The following ACE variants were observed in gnomAD, a reference collection of about 807,000 sequenced individuals.
ACE encodes angiotensin I converting enzyme.
Under a neutral mutation model 162.3 loss-of-function variants are expected in ACE, and 122 were observed. That is an observed-to-expected ratio of 0.75 (90% CI 0.65 to 0.87). The LOEUF is 0.87. Among genes scored for constraint, ACE ranks in the 40% least tolerant of loss-of-function variants. The pLI, the probability that ACE is intolerant of heterozygous loss-of-function variation, is 0.00. For missense variants in ACE, 1,799 were observed against 1,735.1 expected, an observed-to-expected ratio of 1.04 and a Z score of -0.65; for synonymous variants, 796 against 720.6, an observed-to-expected ratio of 1.10 and a Z score of -1.68.
rs935705219 is a variant in ACE at position 63,488,785 on chromosome 17, C to T, written c.2443C>T (p.Leu815Phe). Residue 815 changes from leucine (L) to phenylalanine (F), a missense_variant, in exon 16 of 25, where the codon CTC becomes TTC. Coordinates refer to ENST00000290866, the MANE Select transcript of ACE (RefSeq NM_000789.4). ...GGAACTCATCAACCAGGCTGCCCGG[C>T]TCAATGGTGAGTCCCTGCTGCCAAC... ...YVELINQAAR[L>F]NGYVDAGDSW... 1.9e-6 allele frequency: 3 copies of T among 1,613,930 alleles called. No individual in the cohort carries two copies. Among genetic ancestry groups the T allele is most frequent in the East Asian group, 2.2e-5 (1 of 44,836 alleles).
chr17:63,486,791 A>C lies in ACE; in HGVS notation c.2217+76A>C, dbSNP rs568016621. The C allele has an allele frequency of 4.4e-6, 7 of 1,584,084 alleles. No individual in the cohort carries two copies. The South Asian group carries it at 7.8e-5, about 18-fold the overall frequency. ...CAACACAGGGTCTGGCCTGGCCTTCACGCTGCTTCCTCTTCCTCGTTGTAT... is the reference window on the plus strand; with the variant it reads ...CAACACAGGGTCTGGCCTGGCCTTCCCGCTGCTTCCTCTTCCTCGTTGTAT... On this transcript the variant is annotated intron_variant, in intron 14 of 24. Coordinates refer to ENST00000290866, the MANE Select transcript of ACE (RefSeq NM_000789.4).
Position 63,477,187 on chromosome 17 carries a change from C to T in ACE, c.93C>T (p.Asp31=), listed in dbSNP as rs1200169472. The stretch of plus-strand genomic sequence containing the variant: ...CGCCGCAGCCCGCCCTGGCGTTGGA[C>T]CCCGGGCTGCAGCCCGGCAACTTTT... ...LLPPQPALAL[D]PGLQPGNFSA... The change falls in exon 1 of 25, where the codon GAC becomes GAT. Residue 31 remains aspartate (D), a synonymous_variant. Coordinates refer to ENST00000290866, the MANE Select transcript of ACE (RefSeq NM_000789.4). 6.8e-6 allele frequency: 10 copies of T among 1,477,340 alleles called. No homozygotes were observed. The highest frequency in any genetic ancestry group is 3.0e-5 in the East Asian group (1 of 33,762). The allele number at this position is 1,477,340 out of a possible 1,614,324, so 91.5% of individuals were successfully genotyped here.
chr17:63,479,195 G>A (rs2049667874), intron 3 of ACE, 95 bp downstream of exon 3: 1 of 1,068,236 alleles, frequency 9.4e-7, no homozygotes, highest in Non-Finnish European at 1.4e-6. Flanking sequence ...GGTCTGTGGA[G>A]ACAGCAGGTA....
intron 14 of ACE, 51 bp from the exon 15 acceptor site, chr17:63,486,935 A>G: frequency 6.4e-7 from 1 of 1,555,222 alleles, no homozygotes; most frequent in Non-Finnish European, 8.9e-7. Flanking sequence ...CAGGCCCCAG[A>G]GAGACCAAGT....
rs143843660 is a variant in ACE, at chr17:63,487,044, C to T, written c.2276C>T (p.Pro759Leu). ...TACAGCGTGGCCACTGTGTGCCACC[C>T]GAATGGCAGCTGCCTGCAGCTCGAG... The part of the protein sequence containing the change: ...TTYSVATVCH[P>L]NGSCLQLEPD... Residue 759 changes from proline (P) to leucine (L), a missense_variant, in exon 15 of 25, where the codon CCG (proline) becomes CTG (leucine). Transcript: ENST00000290866. 14 of 1,613,446 alleles carry T rather than the reference C, an allele frequency of 8.7e-6. No homozygotes were observed. Among genetic ancestry groups the T allele is most frequent in the South Asian group, 6.6e-5 (6 of 91,074 alleles).
At chr17:63,481,228 G>T in intron 6 of ACE, 40 bp downstream of exon 6, 2 of 1,297,684 alleles carry the variant, frequency 1.5e-6, no homozygotes, top group South Asian at 2.4e-5. Context: ...GGGGGTCGGG[G>T]GTGGGGCGCA....
At chr17:63,478,981 A>T (rs182340837) in intron 2 of ACE, 26 bp from the exon 3 acceptor site, 1 of 1,597,080 alleles carries the variant, frequency 6.3e-7, no homozygotes, top group Non-Finnish European at 8.6e-7. Context: ...TGGTCACTGG[A>T]GCATTCCTCC....
At position 63,479,819 on chromosome 17, in the gene ACE, G is replaced by C; in HGVS notation, c.562G>C (p.Ala188Pro). The change falls in exon 4 of 25, where the codon GCC (alanine) becomes CCC (proline). Residue 188 changes from alanine to proline, a missense_variant. By Grantham distance (27) the Ala-to-Pro change is conservative. Transcript: ENST00000290866. ...GCGAAGCTACGCCATGCTCCTGTTT[G>C]CCTGGGAGGGCTGGCACAACGCTGC... ...SSRSYAMLLFAWEGWHNAAGI... is the reference protein window; with the variant it reads ...SSRSYAMLLFPWEGWHNAAGI... 5 of 1,613,354 alleles carry C rather than the reference G, an allele frequency of 3.1e-6. No individual in the cohort carries two copies. Among genetic ancestry groups the C allele is most frequent in the Non-Finnish European group, 4.2e-6 (5 of 1,180,040 alleles).
chr17:63,479,585 G>T (rs1316520325), intron 3 of ACE, among the ~76,000 whole-genome samples, 184 bp from the exon 4 acceptor site: 1 of 152,176 alleles, frequency 6.6e-6, no homozygotes, highest in Non-Finnish European at 1.5e-5. Context: ...CAGGGGCCCT[G>T]CCTGGGTGTT....
chr17:63,496,362 C>T (rs1348407796), intron 22 of ACE, 32 bp from the exon 23 acceptor site: 8 of 1,613,950 alleles, frequency 5.0e-6, no homozygotes, highest in Non-Finnish European at 6.8e-6. Flanking sequence ...TCAACCAACT[C>T]CGCCCCGGGC....
At position 63,497,498 on chromosome 17, in the gene ACE, C is replaced by G. The variant is rs1459559281; in HGVS notation, c.*132C>G. On this transcript the variant is annotated 3_prime_UTR_variant, in exon 25 of 25. Transcript: ENST00000290866. ...CCTCCTGCCCTGTCCCTGTCCCCCT[C>G]CCCTCCCAGTCCTCCAGACCACCAG... is the stretch of plus-strand genomic sequence containing the variant. The G allele has an allele frequency of 1.2e-6, 1 of 861,280 alleles. No homozygotes were observed. Among genetic ancestry groups the G allele is most frequent in the Admixed American group, 2.0e-5 (1 of 50,096 alleles). 53.4% of individuals were successfully genotyped at this position (861,280 alleles called of 1,614,324 possible).
In ACE at chr17:63,487,017, C is replaced by A; in HGVS notation, c.2249C>A (p.Thr750Asn). 1 of 1,613,956 alleles carries A rather than the reference C, an allele frequency of 6.2e-7. No homozygotes were observed. Among genetic ancestry groups the A allele is most frequent in the Non-Finnish European group, 8.5e-7 (1 of 1,180,030 alleles). ...AAGATCCTGTTGGATATGGAAACCA[C>A]CTACAGCGTGGCCACTGTGTGCCAC... ...YNKILLDMET[T>N]YSVATVCHPN... The change falls in exon 15 of 25, where the codon ACC (threonine) becomes AAC (asparagine). Residue 750 changes from threonine to asparagine, a missense_variant. By Grantham distance (65) the Thr-to-Asn change is moderately conservative (BLOSUM62 0). Coordinates refer to ENST00000290866, the MANE Select transcript of ACE (RefSeq NM_000789.4).
rs912585098 is a variant in ACE, at chr17:63,482,652, C to T, written c.1305C>T (p.His435=). ...ALSVSTPEHL[H]KIGLLDRVTN... is the part of the protein sequence containing the mutation. ...CGGTCTCCACTCCTGAACATCTGCA[C>T]AAAATCGGCCTGCTGGACCGTGTCA... The change falls in exon 8 of 25, where the codon CAC becomes CAT. Residue 435 remains histidine (H), a synonymous_variant. Coordinates refer to ENST00000290866, the MANE Select transcript of ACE (RefSeq NM_000789.4). The T allele has an allele frequency of 5.6e-6, 9 of 1,613,848 alleles. No individual in the cohort carries two copies. Among genetic ancestry groups the T allele is most frequent in the African/African-American group, 4.0e-5 (3 of 74,924 alleles).
At position 63,480,438 on chromosome 17, in the gene ACE, A is replaced by G; in HGVS notation, c.757A>G (p.Asn253Asp). The G allele has an allele frequency of 6.2e-7, 1 of 1,614,108 alleles. No individual in the cohort carries two copies. The highest frequency in any genetic ancestry group is 8.5e-7 in the Non-Finnish European group (1 of 1,180,014). The change falls in exon 5 of 25, where the codon AAC (asparagine) becomes GAC (aspartate). Residue 253 changes from asparagine (N) to aspartate (D), a missense_variant. Transcript: ENST00000290866. Reference sequence around the variant, plus strand: ...CCAACAGCTAGAGCCCCTCTACCTGAACCTCCATGCCTTCGTCCGCCGCGC... The same window carrying G: ...CCAACAGCTAGAGCCCCTCTACCTGGACCTCCATGCCTTCGTCCGCCGCGC... ...LYQQLEPLYL[N>D]LHAFVRRALH...
Position 63,477,216 on chromosome 17 carries a change from C to A in ACE, c.122C>A (p.Ala41Asp), listed in dbSNP as rs868524073. ...DPGLQPGNFS[A>D]DEAGAQLFAQ... The stretch of plus-strand genomic sequence containing the variant: ...GGGCTGCAGCCCGGCAACTTTTCTG[C>A]TGACGAGGCCGGGGCGCAGCTCTTC... The change falls in exon 1 of 25, where the codon GCT (alanine) becomes GAT (aspartate). Residue 41 changes from alanine to aspartate, a missense_variant. Physicochemically the swap from Ala to Asp is moderately radical, Grantham distance 126. Coordinates refer to ENST00000290866, the MANE Select transcript of ACE (RefSeq NM_000789.4). 6.7e-7 allele frequency: 1 copy of A among 1,494,412 alleles called. No individual in the cohort carries two copies. Among genetic ancestry groups the A allele is most frequent in the South Asian group, 1.2e-5 (1 of 80,342 alleles). 92.6% of individuals were successfully genotyped at this position (1,494,412 alleles called of 1,614,324 possible). A position where few individuals can be genotyped will look rare whatever the true frequency, so the allele number is the denominator to read the frequency against.
At chr17:63,480,055 C>T in intron 4 of ACE, 143 bp downstream of exon 4, 1 of 1,322,808 alleles carries the variant, frequency 7.6e-7, no homozygotes, top group East Asian at 2.5e-5. Context: ...GGAGGTGGGA[C>T]CGGCCTGCAC....
chr17:63,486,872 C>T (rs2029982153), intron 14 of ACE, 114 bp from the exon 15 acceptor site: 1 of 1,449,192 alleles, frequency 6.9e-7, no homozygotes, highest in Non-Finnish European at 9.7e-7. Flanking sequence ...GAGGGCAGCG[C>T]TCCCCAGCTC....
chr17:63,488,909 G>A (rs2030177119), intron 16 of ACE, 32 bp from the exon 17 acceptor site: 1 of 1,613,914 alleles, frequency 6.2e-7, no homozygotes, highest in Non-Finnish European at 8.5e-7. Context: ...GTAATGTGGT[G>A]TTGGGAGAGC....
At chr17:63,486,394 TATC>T (rs777912438) in intron 13 of ACE, 160 bp from the exon 14 acceptor site, 18 of 756,722 alleles carry the variant, frequency 2.4e-5, no homozygotes, top group Non-Finnish European at 3.6e-5. Context: ...TCCAGGACGT[TATC>T]AGCGTCCAGC....
Sources: gnomAD v4.1 joint callset for allele counts (sites outside exome capture counted in the v4.1 genomes callset) on GRCh38, gnomAD v4.1.1 for gene constraint, MANE v1.5 for transcripts, NCBI Gene and HGNC (gene_info 2026-07-23, HGNC 2026-07-21) for gene names.